The following SCAF11 variants were observed in gnomAD, a reference collection of about 807,000 sequenced individuals.
SCAF11 encodes the protein SR-related CTD associated factor 11.
Under a neutral mutation model 140.5 loss-of-function variants are expected in SCAF11, and 47 were observed. That is an observed-to-expected ratio of 0.33 (90% CI 0.26 to 0.43). SCAF11 has a LOEUF of 0.43. SCAF11 is among the 20% of genes least tolerant of loss of function. The pLI, the probability that SCAF11 is intolerant of heterozygous loss-of-function variation, is 1.00. For synonymous variants in SCAF11, 557 were observed against 579.4 expected (o/e 0.96, Z 0.55); for missense variants, 1,645 against 1,705.1 (o/e 0.96, Z 0.62).
chr12:45,955,874 T>C (rs2136593667), intron 3 of SCAF11: 1 of 371,466 alleles, frequency 2.7e-6, no homozygotes, highest in Middle Eastern at 7.6e-4. Flanking sequence ...AGCTACAAAA[T>C]TAATGGAATT....
chr12:45,953,791 G>T, intron 3 of SCAF11: 1 of 548,012 alleles, frequency 1.8e-6, no homozygotes, highest in Non-Finnish European at 3.0e-6. Flanking sequence ...CTGTGCCTCA[G>T]TAACCTTATT....
chr12:45,947,838 G>A lies in SCAF11; in HGVS notation c.398+599C>T, dbSNP rs546407632. ...ACTGCAGCCATGTGTCACCATGCCC[G>A]GCTAATCTGTAAATTTTTAGTAGAG... On this transcript the variant is annotated intron_variant, in intron 5 of 14. Coordinates refer to ENST00000369367, the MANE Select transcript of SCAF11 (RefSeq NM_004719.3). Among the ~76,000 whole-genome samples, 5 of 152,000 alleles carry A rather than the reference G, an allele frequency of 3.3e-5. No homozygotes were observed. The South Asian group carries it at 6.2e-4, about 19-fold the overall frequency.
intron 6 of SCAF11, among the ~76,000 whole-genome samples, chr12:45,944,287 C>G (rs1945370638): frequency 6.6e-6 from 1 of 152,096 alleles, no homozygotes; most frequent in South Asian, 2.1e-4. Flanking sequence ...GCCTTTTTAA[C>G]CACAGAAGTC....
rs776647107 is a variant in SCAF11 at position 45,961,689 on chromosome 12, G to A, written c.219+11C>T. 8 of 1,601,326 alleles carry A rather than the reference G, an allele frequency of 5.0e-6. No individual in the cohort carries two copies. The South Asian group carries it at 5.6e-5, about 11-fold the overall frequency. Reference sequence around the variant, plus strand: ...CTAGGAAATTAAAATACATTAATGTGTCAGACTTACCTCTGCCCATTTAAG... The same window carrying A: ...CTAGGAAATTAAAATACATTAATGTATCAGACTTACCTCTGCCCATTTAAG... On this transcript the variant is annotated intron_variant, in intron 3 of 14. Coordinates refer to ENST00000369367, the MANE Select transcript of SCAF11 (RefSeq NM_004719.3).
chr12:45,922,037 C>G lies in SCAF11; in HGVS notation c.*11G>C. 6.2e-7 allele frequency: 1 copy of G among 1,605,924 alleles called. No homozygotes were observed. Among genetic ancestry groups the G allele is most frequent in the Admixed American group, 1.7e-5 (1 of 58,014 alleles). On this transcript the variant is annotated 3_prime_UTR_variant, in exon 15 of 15. Coordinates refer to ENST00000369367, the MANE Select transcript of SCAF11 (RefSeq NM_004719.3). ...GATATCCTGATAATGTCCTTGACAG[C>G]GTTCCCCATTTCAGCCTATGTTTTT... is the stretch of plus-strand genomic sequence containing the variant.
In SCAF11 at chr12:45,956,560, G is replaced by A. The variant is rs148002695; in HGVS notation, c.220-4833C>T. Among the ~76,000 whole-genome samples the A allele has an allele frequency of 3.0e-3, 458 of 152,206 alleles. 1 individual carries two copies. Among genetic ancestry groups the A allele is most frequent in the South Asian group, 5.6e-3 (27 of 4,820 alleles). On this transcript the variant is annotated intron_variant, in intron 3 of 14. Transcript: ENST00000369367. ...GTCAATCCATATTAGTGAAACTGTG[G>A]TTCTTTATACCAGCATTCAGGAGTG...
chr12:45,958,969 A>C (rs1373075039), intron 3 of SCAF11, among the ~76,000 whole-genome samples: 2 of 152,198 alleles, frequency 1.3e-5, no homozygotes. Flanking sequence ...GTTTTTAAGA[A>C]TGTGTTCAAT....
At chr12:45,981,507 A>G (rs1183788242) in intron 1 of SCAF11, among the ~76,000 whole-genome samples, 1 of 152,212 alleles carries the variant, frequency 6.6e-6, no homozygotes, top group Non-Finnish European at 1.5e-5. Flanking sequence ...CCGAAACATC[A>G]TTCTCCCATT....
intron 3 of SCAF11, among the ~76,000 whole-genome samples, chr12:45,952,851 T>C (rs1056823929): frequency 6.6e-6 from 1 of 152,214 alleles, no homozygotes; most frequent in Non-Finnish European, 1.5e-5. Context: ...GCAAAGATAG[T>C]AATGGAAACT....
At chr12:45,969,651 C>A (rs1370654145) in intron 1 of SCAF11, among the ~76,000 whole-genome samples, 1 of 152,150 alleles carries the variant, frequency 6.6e-6, no homozygotes, top group East Asian at 1.9e-4. Flanking sequence ...TTTGTTTTCC[C>A]TAAAGCAAAT....
Position 45,926,490 on chromosome 12 carries a change from G to A in SCAF11, c.3211C>T (p.Arg1071Cys). 5 of 1,614,068 alleles carry A rather than the reference G, an allele frequency of 3.1e-6. No homozygotes were observed. Among genetic ancestry groups the A allele is most frequent in the South Asian group, 1.1e-5 (1 of 91,078 alleles). Residue 1071 changes from arginine to cysteine, a missense_variant, in exon 11 of 15, where the codon CGT becomes TGT. By Grantham distance (180) the Arg-to-Cys change is radical. Coordinates refer to ENST00000369367, the MANE Select transcript of SCAF11 (RefSeq NM_004719.3). ...KNFGSGWVSN[R>C]GRGRGNRGRG... ...CCACGGTTGCCTCTGCCTCTACCAC[G>A]GTTAGATACCCAACCAGAACCAAAG...
chr12:45,938,965 A>T (rs997527413), intron 6 of SCAF11, among the ~76,000 whole-genome samples: 1 of 149,074 alleles, frequency 6.7e-6, no homozygotes, highest in African/African-American at 2.5e-5. Context: ...CATAAAGGAG[A>T]TTAAAAACAA....
intron 11 of SCAF11, 68 bp from the exon 12 acceptor site, chr12:45,925,142 A>T: frequency 8.2e-7 from 1 of 1,213,048 alleles, no homozygotes; most frequent in Non-Finnish European, 1.1e-6. Context: ...GAAACAAAGA[A>T]CCACTGGTTA....
At chr12:45,991,929 TC>T (rs1422754132), upstream of SCAF11, 16 of 1,287,742 alleles carry the variant, frequency 1.2e-5, no homozygotes, top group Non-Finnish European at 1.5e-5. Context: ...CGTTTTCCTG[TC>T]GCCTGCCCCC....
chr12:45,980,592 A>T (rs1946327534), intron 1 of SCAF11, among the ~76,000 whole-genome samples: 1 of 152,186 alleles, frequency 6.6e-6, no homozygotes, highest in African/African-American at 2.4e-5. Context: ...CATTGACACT[A>T]AACGGCCTAA....
chr12:45,968,349 C>T (rs1001674986), intron 1 of SCAF11, among the ~76,000 whole-genome samples: 7 of 152,064 alleles, frequency 4.6e-5, no homozygotes, highest in South Asian at 2.1e-4. Context: ...TAGTCTGTGA[C>T]CCCTAATATA....
chr12:45,948,121 A>G (rs1196192573), intron 5 of SCAF11, among the ~76,000 whole-genome samples: 5 of 152,028 alleles, frequency 3.3e-5, no homozygotes. Flanking sequence ...GGAGGGGAGG[A>G]CGGTCCTCAC....
At chr12:45,931,935 C>T (rs551299126) in intron 9 of SCAF11, among the ~76,000 whole-genome samples, 1 of 152,076 alleles carries the variant, frequency 6.6e-6, no homozygotes, top group Non-Finnish European at 1.5e-5. Context: ...CAGCTTTCAT[C>T]ATGTTCTTCA....
chr12:45,920,136 C>T lies in SCAF11; in HGVS notation c.*1912G>A, dbSNP rs999450120. The T allele has an allele frequency of 6.6e-6, 1 of 152,032 alleles. No individual in the cohort carries two copies. The highest frequency in any genetic ancestry group is 6.6e-5 in the Admixed American group (1 of 15,260). 9.4% of individuals were successfully genotyped at this position (152,032 alleles called of 1,614,324 possible). ...TTTAAAAATATATACCAGTAGAATA[C>T]CATATTACAAATGCCCAGAAATGTA... On this transcript the variant is annotated 3_prime_UTR_variant, in exon 15 of 15. Coordinates refer to ENST00000369367, the MANE Select transcript of SCAF11 (RefSeq NM_004719.3).
Sources: allele counts gnomAD v4.1 joint callset (sites outside exome capture counted in the v4.1 genomes callset), GRCh38; gene constraint gnomAD v4.1.1; transcripts MANE v1.5; gene names NCBI Gene and HGNC (gene_info 2026-07-23, HGNC 2026-07-21).